The following FHAD1 variants were observed in gnomAD, a reference collection of about 807,000 sequenced individuals.
FHAD1 encodes forkhead associated phosphopeptide binding domain 1.
Under a neutral mutation model 191.3 loss-of-function variants are expected in FHAD1, and 146 were observed. That is an observed-to-expected ratio of 0.76 (90% CI 0.67 to 0.88). FHAD1 has a LOEUF of 0.88. FHAD1 is among the 40% of genes least tolerant of loss of function. The pLI is 0.00. For missense variants in FHAD1, 1,635 were observed against 1,785.8 expected, an observed-to-expected ratio of 0.92 and a Z score of 1.52; for synonymous variants, 616 against 672.3, an observed-to-expected ratio of 0.92 and a Z score of 1.29.
chr1:15,350,588 A>C (rs1690517269), intron 19 of FHAD1, among the ~76,000 whole-genome samples: 1 of 152,058 alleles, frequency 6.6e-6, no homozygotes, highest in Non-Finnish European at 1.5e-5. Context: ...TGGTGGGCTA[A>C]AGGGTTCATT....
chr1:15,380,637 C>A, intron 28 of FHAD1, 64 bp from the exon 29 acceptor site: 1 of 1,311,094 alleles, frequency 7.6e-7, no homozygotes, highest in Non-Finnish European at 1.1e-6. Context: ...AGTGCTTTAG[C>A]TTCCAGTCAT....
At chr1:15,333,742 C>A (rs74057308) in intron 14 of FHAD1, among the ~76,000 whole-genome samples, 2,792 of 149,858 alleles carry the variant, frequency 0.019, 96 homozygotes, top group African/African-American at 0.064. Flanking sequence ...GCACTGTGTT[C>A]GGTGTTTCAC....
chr1:15,301,781 C>CT (rs1668875357), intron 6 of FHAD1, among the ~76,000 whole-genome samples: 1 of 152,222 alleles, frequency 6.6e-6, no homozygotes, highest in Admixed American at 6.5e-5. Flanking sequence ...TAATCTGGCA[C>CT]TTTGGGAGGC....
chr1:15,257,318 A>G (rs1215078372), intron 2 of FHAD1, among the ~76,000 whole-genome samples: 2 of 152,150 alleles, frequency 1.3e-5, no homozygotes, highest in Non-Finnish European at 2.9e-5. Flanking sequence ...TGCTCATCCA[A>G]GAGGCGAAAC....
intron 26 of FHAD1, 54 bp downstream of exon 26, chr1:15,369,556 T>C: frequency 6.6e-7 from 1 of 1,524,232 alleles, no homozygotes. Context: ...CACAGCCCAG[T>C]GGTGGCTGTC....
chr1:15,367,576 G>T lies in FHAD1; in HGVS notation c.3268G>T (p.Val1090Leu), dbSNP rs115940981. The T allele has an allele frequency of 6.8e-6, 9 of 1,327,882 alleles. No individual in the cohort carries two copies. Among genetic ancestry groups the T allele is most frequent in the Non-Finnish European group, 8.9e-6 (9 of 1,006,274 alleles). 82.3% of individuals were successfully genotyped at this position (1,327,882 alleles called of 1,614,324 possible). Residue 1090 changes from valine to leucine, a missense_variant, in exon 25 of 34, where the codon GTA (valine) becomes TTA (leucine). Val to Leu is a conservative substitution (Grantham distance 32, BLOSUM62 1). Transcript: ENST00000688493. ...GAAGATGGCCCAGATGAGCAGCCTG[G>T]TAGAAAAGAAAGATCGGGAGCTGAA... is the stretch of plus-strand genomic sequence containing the variant. The part of the protein sequence containing the change: ...KEKMAQMSSL[V>L]EKKDRELKAL...
chr1:15,242,490 G>A (rs953340648), upstream of FHAD1, among the ~76,000 whole-genome samples: 4 of 152,134 alleles, frequency 2.6e-5, no homozygotes, highest in Admixed American at 2.6e-4. Flanking sequence ...AAGGTTCACT[G>A]TCACTCAAAA....
At chr1:15,309,282 G>GATTC (rs537939587) in intron 7 of FHAD1, among the ~76,000 whole-genome samples, 44 of 152,278 alleles carry the variant, frequency 2.9e-4, no homozygotes, top group Admixed American at 5.9e-4. Flanking sequence ...TCTTAGCCTG[G>GATTC]ATTCATTCAT....
chr1:15,346,137 C>T (rs528790606), intron 18 of FHAD1, among the ~76,000 whole-genome samples: 5 of 152,262 alleles, frequency 3.3e-5, no homozygotes, highest in African/African-American at 7.2e-5. Context: ...TGCTCCTCCC[C>T]GGGCCCAAGC....
chr1:15,350,926 AT>A (rs894383435), intron 19 of FHAD1, among the ~76,000 whole-genome samples: 17 of 152,272 alleles, frequency 1.1e-4, no homozygotes, highest in African/African-American at 4.1e-4. Flanking sequence ...AAGGGGTGGG[AT>A]CCAAACTATG....
chr1:15,339,224 C>A (rs1037350439), intron 14 of FHAD1, among the ~76,000 whole-genome samples: 3 of 152,090 alleles, frequency 2.0e-5, no homozygotes, highest in African/African-American at 7.2e-5. Flanking sequence ...ATCACGCTGG[C>A]CAGCCAGGCT....
intron 10 of FHAD1, among the ~76,000 whole-genome samples, chr1:15,321,152 T>C (rs1163868449): frequency 2.6e-5 from 4 of 152,218 alleles, no homozygotes; most frequent in Non-Finnish European, 5.9e-5. Flanking sequence ...CAGGATGGTC[T>C]CCATCTCTTA....
At chr1:15,358,990 C>G (rs550696381) in intron 21 of FHAD1, among the ~76,000 whole-genome samples, 1 of 151,982 alleles carries the variant, frequency 6.6e-6, no homozygotes, top group African/African-American at 2.4e-5. Context: ...GAGAGAGTTA[C>G]GATGGCAGGA....
At chr1:15,271,335 A>G (rs768199718) in intron 2 of FHAD1, among the ~76,000 whole-genome samples, 2 of 152,148 alleles carry the variant, frequency 1.3e-5, no homozygotes, top group African/African-American at 2.4e-5. Flanking sequence ...CGAAGACTTC[A>G]GTGTGCCCTG....
At chr1:15,285,794 G>C (rs577837165) in intron 3 of FHAD1, among the ~76,000 whole-genome samples, 43 of 152,302 alleles carry the variant, frequency 2.8e-4, no homozygotes, top group African/African-American at 8.4e-4. Context: ...GGTGAATGCA[G>C]CCCAAGTGTC....
At chr1:15,242,609 G>A (rs1337457789), upstream of FHAD1, among the ~76,000 whole-genome samples, 1 of 152,174 alleles carries the variant, frequency 6.6e-6, no homozygotes, top group African/African-American at 2.4e-5. Flanking sequence ...CTCTAGTTGT[G>A]ACTAGAGGAA....
chr1:15,324,603 A>G (rs539670241), intron 11 of FHAD1, 44 bp downstream of exon 11: 401 of 1,383,160 alleles, frequency 2.9e-4, no homozygotes, highest in Admixed American at 8.9e-4. Flanking sequence ...ACGCTCTCCA[A>G]TGATTGCACC....
At position 15,362,623 on chromosome 1, in the gene FHAD1, A is replaced by G; in HGVS notation, c.2963-19A>G. The G allele has an allele frequency of 1.3e-6, 2 of 1,544,670 alleles. No homozygotes were observed. The highest frequency in any genetic ancestry group is 1.8e-6 in the Non-Finnish European group (2 of 1,140,530). ...AGGACAGTTTCCTCTCACAATGATC[A>G]CATGTCCCTCTGATACAGCCCCAAA... is the stretch of plus-strand genomic sequence containing the variant. On this transcript the variant is annotated intron_variant, in intron 22 of 33. Transcript: ENST00000688493.
At chr1:15,269,761 A>G (rs1191818524) in intron 2 of FHAD1, among the ~76,000 whole-genome samples, 2 of 152,172 alleles carry the variant, frequency 1.3e-5, no homozygotes, top group Non-Finnish European at 2.9e-5. Context: ...AGGGTTGTGG[A>G]AGTTTCAGCT....
Sources: allele counts gnomAD v4.1 joint callset (sites outside exome capture counted in the v4.1 genomes callset), GRCh38; gene constraint gnomAD v4.1.1; transcripts MANE v1.5; gene names NCBI Gene and HGNC (gene_info 2026-07-23, HGNC 2026-07-21).